PTPRG: variants seen among roughly 807,000 people sequenced by gnomAD.
PTPRG encodes the protein protein tyrosine phosphatase receptor type G.
PTPRG carries 102 observed loss-of-function variants against 165.3 expected under a neutral mutation model. The ratio of observed to expected loss-of-function variants is 0.62; its 90% CI spans 0.53 to 0.73. The LOEUF is 0.73. Among genes scored for constraint, PTPRG ranks in the 30% least tolerant of loss-of-function variants. PTPRG has a pLI of 0.00. For synonymous variants in PTPRG, 675 were observed against 669.5 expected, an observed-to-expected ratio of 1.01 and a Z score of -0.13; for missense variants, 1,866 against 1,861.4, an observed-to-expected ratio of 1.00 and a Z score of -0.05.
At chr3:61,575,398 A>AT (rs1177300566) in intron 1 of PTPRG, among the ~76,000 whole-genome samples, 1 of 152,122 alleles carries the variant, frequency 6.6e-6, no homozygotes, top group Non-Finnish European at 1.5e-5. Flanking sequence ...GCAAATGTGT[A>AT]TTTAAAAAAA....
intron 8 of PTPRG, among the ~76,000 whole-genome samples, chr3:62,170,821 G>A (rs1241772646): frequency 6.6e-6 from 1 of 152,114 alleles, no homozygotes; most frequent in Non-Finnish European, 1.5e-5. Context: ...TAAAAGTGCA[G>A]TACCCGTAAT....
chr3:62,230,893 A>G (rs149151909), intron 13 of PTPRG, among the ~76,000 whole-genome samples: 1 of 152,210 alleles, frequency 6.6e-6, no homozygotes, highest in African/African-American at 2.4e-5. Flanking sequence ...CAGTGTGTCA[A>G]AGGTGGAAGA....
At chr3:61,715,718 A>C (rs890234518) in intron 1 of PTPRG, among the ~76,000 whole-genome samples, 2 of 152,246 alleles carry the variant, frequency 1.3e-5, no homozygotes, top group South Asian at 2.1e-4. Context: ...TGCTGGGAGG[A>C]TGAGGGATGA....
intron 19 of PTPRG, 42 bp from the exon 20 acceptor site, chr3:62,268,993 C>T: frequency 6.7e-7 from 1 of 1,499,614 alleles, no homozygotes; most frequent in East Asian, 2.3e-5. Flanking sequence ...AGAATTGTGG[C>T]ATAGATTGCA....
intron 1 of PTPRG, among the ~76,000 whole-genome samples, chr3:61,685,152 A>T (rs1015508513): frequency 6.6e-6 from 1 of 152,204 alleles, no homozygotes; most frequent in African/African-American, 2.4e-5. Context: ...TAGTACATTT[A>T]AAAAATTGGG....
chr3:62,249,014 GATTC>G (rs967005891), intron 15 of PTPRG, among the ~76,000 whole-genome samples: 2 of 152,146 alleles, frequency 1.3e-5, no homozygotes, highest in African/African-American at 4.8e-5. Flanking sequence ...CTCCAAAAGA[GATTC>G]ATTGGTCTTT....
At chr3:62,189,705 C>T (rs1434175393) in intron 8 of PTPRG, among the ~76,000 whole-genome samples, 1 of 152,198 alleles carries the variant, frequency 6.6e-6, no homozygotes, top group Non-Finnish European at 1.5e-5. Context: ...CTCCTCCACA[C>T]TTGGCTTCTC....
At chr3:62,138,714 C>CAAAAAAAAAAAAAAAAAAAAAA (rs563632840) in intron 6 of PTPRG, among the ~76,000 whole-genome samples, 2 of 91,384 alleles carry the variant, frequency 2.2e-5, no homozygotes, top group East Asian at 3.5e-4. Flanking sequence ...GGCAAAGCTC[C>CAAAAAAAAAAAAAAAAAAAAAA]AAAAAAAAAA....
At chr3:61,568,513 T>C (rs927676549) in intron 1 of PTPRG, among the ~76,000 whole-genome samples, 1 of 152,184 alleles carries the variant, frequency 6.6e-6, no homozygotes, top group African/African-American at 2.4e-5. Flanking sequence ...TGGCAAGATA[T>C]TTGGTGTTTT....
At chr3:61,905,736 G>C (rs2038630467) in intron 2 of PTPRG, among the ~76,000 whole-genome samples, 1 of 152,152 alleles carries the variant, frequency 6.6e-6, no homozygotes, top group African/African-American at 2.4e-5. Context: ...TTCTATGGTG[G>C]GATAAACAGG....
chr3:61,745,120 G>A (rs183365174), intron 1 of PTPRG, among the ~76,000 whole-genome samples: 1 of 140,028 alleles, frequency 7.1e-6, no homozygotes, highest in Non-Finnish European at 1.5e-5. Flanking sequence ...GCGTGATCTC[G>A]GCTCTCTGCA....
intron 4 of PTPRG, among the ~76,000 whole-genome samples, chr3:62,050,794 T>C (rs1210790146): frequency 1.3e-5 from 2 of 152,232 alleles, no homozygotes; most frequent in Non-Finnish European, 2.9e-5. Flanking sequence ...TTTTCCTGGA[T>C]GACCTTCATT....
rs543509240 is a variant in PTPRG, at chr3:61,586,898, G to A, written c.85+24526G>A. ...TGTTACCCAGGTATTTCTGTGCCCA[G>A]ATATATGTGTCTGCTTCCAGCTCTC... On this transcript the variant is annotated intron_variant, in intron 1 of 29. Transcript: ENST00000474889. Among the ~76,000 whole-genome samples the A allele has an allele frequency of 1.2e-3, 182 of 152,306 alleles. 1 individual carries two copies. Among genetic ancestry groups the A allele is most frequent in the African/African-American group, 4.1e-3 (172 of 41,568 alleles).
intron 2 of PTPRG, among the ~76,000 whole-genome samples, chr3:61,753,112 C>T (rs966792135): frequency 6.6e-6 from 1 of 152,052 alleles, no homozygotes; most frequent in Non-Finnish European, 1.5e-5. Flanking sequence ...TGTTGTTTCT[C>T]TGGATCTTAA....
chr3:61,712,464 C>T lies in PTPRG; in HGVS notation c.86-36414C>T, dbSNP rs184559023. Among the ~76,000 whole-genome samples, 120 of 152,060 alleles carry T rather than the reference C, an allele frequency of 7.9e-4. 1 individual carries two copies. The highest frequency in any genetic ancestry group is 2.7e-3 in the African/African-American group (110 of 41,494). The stretch of plus-strand genomic sequence containing the variant: ...CATCTGGAATATAATTCCCATGTGT[C>T]GAAGGAGGGACCTGGTGGGAGGTGA... On this transcript the variant is annotated intron_variant, in intron 1 of 29. Coordinates refer to ENST00000474889, the MANE Select transcript of PTPRG (RefSeq NM_002841.4).
chr3:61,630,589 C>G (rs1445877806), intron 1 of PTPRG, among the ~76,000 whole-genome samples: 1 of 152,086 alleles, frequency 6.6e-6, no homozygotes, highest in African/African-American at 2.4e-5. Flanking sequence ...TAAGGATTGA[C>G]TCAACTTTAG....
At chr3:61,660,678 C>T (rs935618695) in intron 1 of PTPRG, among the ~76,000 whole-genome samples, 4 of 152,054 alleles carry the variant, frequency 2.6e-5, no homozygotes, top group Non-Finnish European at 5.9e-5. Context: ...ACGGCGTCTA[C>T]GGGTTGACAA....
intron 16 of PTPRG, chr3:62,262,523 A>G (rs1701731127): frequency 3.3e-6 from 1 of 299,898 alleles, no homozygotes; most frequent in South Asian, 7.1e-5. Flanking sequence ...ACTATGATGT[A>G]TTCAAAAAGA....
At chr3:61,587,017 C>T (rs533398926) in intron 1 of PTPRG, among the ~76,000 whole-genome samples, 3 of 152,078 alleles carry the variant, frequency 2.0e-5, no homozygotes, top group Non-Finnish European at 4.4e-5. Context: ...GCCACTGTTA[C>T]GGGGGATGGG....
Sources: allele counts gnomAD v4.1 joint callset (sites outside exome capture counted in the v4.1 genomes callset), GRCh38; gene constraint gnomAD v4.1.1; transcripts MANE v1.5; gene names NCBI Gene and HGNC (gene_info 2026-07-23, HGNC 2026-07-21).